CPNE8: variants seen among roughly 807,000 people sequenced by gnomAD.
CPNE8 encodes the protein copine 8, also known as copine-8.
Under a neutral mutation model 81.5 loss-of-function variants are expected in CPNE8, and 45 were observed. The ratio of observed to expected loss-of-function variants is 0.55; its 90% CI spans 0.44 to 0.71. The LOEUF (loss-of-function observed/expected upper bound fraction) is 0.71, where lower values mean the gene tolerates loss of function less well. Ranked by LOEUF, CPNE8 falls within the 30% of genes least tolerant of loss-of-function variation. The pLI is 0.00. For missense variants in CPNE8, 594 were observed against 672.1 expected, an observed-to-expected ratio of 0.88 and a Z score of 1.28; for synonymous variants, 252 against 226.3, an observed-to-expected ratio of 1.11 and a Z score of -1.02.
intron 19 of CPNE8, among the ~76,000 whole-genome samples, chr12:38,658,520 CCAACATT>C (rs1345403054): frequency 2.0e-5 from 3 of 152,074 alleles, no homozygotes; most frequent in African/African-American, 7.2e-5. Context: ...GCAAGGCAAG[CCAACATT>C]CAAATTCAGG....
chr12:38,876,357 G>T (rs1032256827), intron 1 of CPNE8, among the ~76,000 whole-genome samples: 1 of 152,118 alleles, frequency 6.6e-6, no homozygotes, highest in Non-Finnish European at 1.5e-5. Flanking sequence ...GGGATTACAG[G>T]CATGTGCCAT....
At chr12:38,702,697 T>C (rs1487473654) in intron 14 of CPNE8, among the ~76,000 whole-genome samples, 178 bp downstream of exon 14, 3 of 152,086 alleles carry the variant, frequency 2.0e-5, no homozygotes, top group Non-Finnish European at 4.4e-5. Flanking sequence ...TTATTTCTAG[T>C]CTTTTGTATA....
intron 18 of CPNE8, among the ~76,000 whole-genome samples, chr12:38,675,391 C>A (rs1388859618): frequency 2.0e-5 from 3 of 152,096 alleles, no homozygotes; most frequent in African/African-American, 7.2e-5. Flanking sequence ...AACAAAAACT[C>A]AATTTATCAC....
chr12:38,713,663 A>C (rs776423115), intron 13 of CPNE8, among the ~76,000 whole-genome samples: 3 of 152,226 alleles, frequency 2.0e-5, no homozygotes, highest in Non-Finnish European at 4.4e-5. Context: ...ATGGCCGTCT[A>C]ATTAGTCTGT....
At chr12:38,796,192 C>G (rs1165087708) in intron 6 of CPNE8, among the ~76,000 whole-genome samples, 1 of 151,856 alleles carries the variant, frequency 6.6e-6, no homozygotes, top group Non-Finnish European at 1.5e-5. Flanking sequence ...GAGGCTAAGG[C>G]AAAAGAAGCA....
chr12:38,715,386 A>G (rs1200127746), intron 13 of CPNE8, among the ~76,000 whole-genome samples: 6 of 152,066 alleles, frequency 3.9e-5, no homozygotes, highest in Admixed American at 2.6e-4. Flanking sequence ...CACCCTTTTG[A>G]TGACGTCAAG....
chr12:38,754,225 A>G (rs1185273695), intron 10 of CPNE8, among the ~76,000 whole-genome samples: 1 of 152,224 alleles, frequency 6.6e-6, no homozygotes, highest in African/African-American at 2.4e-5. Context: ...AGAAGAGCAC[A>G]GGACAAACAC....
At position 38,653,678 on chromosome 12, in the gene CPNE8, C is replaced by T; in HGVS notation, c.*204G>A. On this transcript the variant is annotated 3_prime_UTR_variant, in exon 20 of 20. Transcript: ENST00000331366. ...CCATACTTTGCTTCAAGCATTTAAA[C>T]AATTTTTTCTGTTGCTCATGCAACA... The T allele has an allele frequency of 2.4e-6, 1 of 413,694 alleles. No individual in the cohort carries two copies. Among genetic ancestry groups the T allele is most frequent in the African/African-American group, 2.0e-5 (1 of 49,446 alleles). The allele number at this position is 413,694 out of a possible 1,614,324, so 25.6% of individuals were successfully genotyped here.
At chr12:38,689,571 G>A (rs937928702) in intron 15 of CPNE8, among the ~76,000 whole-genome samples, 1 of 152,154 alleles carries the variant, frequency 6.6e-6, no homozygotes, top group East Asian at 1.9e-4. Flanking sequence ...TTTATATACA[G>A]TACAGTGTTA....
At chr12:38,893,232 C>A (rs1295663850) in intron 1 of CPNE8, among the ~76,000 whole-genome samples, 2 of 152,154 alleles carry the variant, frequency 1.3e-5, no homozygotes, top group Non-Finnish European at 2.9e-5. Flanking sequence ...AGGCTGAGAC[C>A]TGCTGGGCTG....
intron 2 of CPNE8, among the ~76,000 whole-genome samples, chr12:38,873,799 T>C (rs1262150409): frequency 6.6e-6 from 1 of 152,188 alleles, no homozygotes. Context: ...ATACAGTTCA[T>C]TCTGCTGTTT....
chr12:38,672,606 T>C (rs1009085681), intron 18 of CPNE8, among the ~76,000 whole-genome samples: 1 of 152,212 alleles, frequency 6.6e-6, no homozygotes, highest in Non-Finnish European at 1.5e-5. Flanking sequence ...TTTATCCCCT[T>C]CGTCTAACTC....
At chr12:38,837,732 T>C (rs1943407730) in intron 5 of CPNE8, among the ~76,000 whole-genome samples, 1 of 151,598 alleles carries the variant, frequency 6.6e-6, no homozygotes, top group Non-Finnish European at 1.5e-5. Context: ...GATTATGAGG[T>C]AAAGAGTGAA....
At chr12:38,682,344 G>A (rs910160010) in intron 16 of CPNE8, among the ~76,000 whole-genome samples, 4 of 152,044 alleles carry the variant, frequency 2.6e-5, no homozygotes, top group African/African-American at 7.2e-5. Flanking sequence ...GATCGCCTGA[G>A]GTCAAGAGTT....
intron 10 of CPNE8, among the ~76,000 whole-genome samples, chr12:38,750,996 ATGCT>A (rs566663262): frequency 5.8e-4 from 89 of 152,310 alleles, no homozygotes; most frequent in Middle Eastern, 3.4e-3. Context: ...GGTCTTTCCC[ATGCT>A]GTTCTCCTGA....
At chr12:38,789,867 G>A (rs757448100) in intron 6 of CPNE8, among the ~76,000 whole-genome samples, 1 of 151,674 alleles carries the variant, frequency 6.6e-6, no homozygotes, top group African/African-American at 2.4e-5. Flanking sequence ...ATCACCAATA[G>A]AGAAATGCAA....
chr12:38,769,405 A>C (rs1449080839), intron 7 of CPNE8, among the ~76,000 whole-genome samples: 1 of 152,040 alleles, frequency 6.6e-6, no homozygotes, highest in Non-Finnish European at 1.5e-5. Flanking sequence ...AAGATCAAAA[A>C]GTTCTATACT....
At chr12:38,732,928 G>C (rs1337230105) in intron 10 of CPNE8, among the ~76,000 whole-genome samples, 8 of 151,958 alleles carry the variant, frequency 5.3e-5, no homozygotes, top group Admixed American at 2.0e-4. Context: ...TGCTATCCAT[G>C]TGTTGTAGAG....
intron 13 of CPNE8, among the ~76,000 whole-genome samples, chr12:38,713,658 C>T (rs894330819): frequency 2.6e-5 from 4 of 151,930 alleles, no homozygotes; most frequent in African/African-American, 9.7e-5. Context: ...TCCAAATGGC[C>T]GTCTAATTAG....
Sources: allele counts gnomAD v4.1 joint callset (sites outside exome capture counted in the v4.1 genomes callset), GRCh38; gene constraint gnomAD v4.1.1; transcripts MANE v1.5; gene names NCBI Gene and HGNC (gene_info 2026-07-23, HGNC 2026-07-21).